The following LTBP1 variants were observed in gnomAD, a reference collection of about 807,000 sequenced individuals.
The protein encoded by LTBP1 is latent-transforming growth factor beta-binding protein 1.
Under a neutral mutation model 207.6 loss-of-function variants are expected in LTBP1, and 129 were observed. That is an observed-to-expected ratio of 0.62 (90% CI 0.54 to 0.72). The LOEUF (loss-of-function observed/expected upper bound fraction) is 0.72. LTBP1 is among the 30% of genes least tolerant of loss of function. The probability of loss-of-function intolerance (pLI) is 0.00; values close to 1 mark genes in which losing one functional copy is unlikely to be tolerated. For synonymous variants in LTBP1, 963 were observed against 833.7 expected, an observed-to-expected ratio of 1.16 and a Z score of -2.67; for missense variants, 2,281 against 2,217.2, an observed-to-expected ratio of 1.03 and a Z score of -0.58.
At chr2:33,376,599 T>C (rs903770040) in intron 31 of LTBP1, among the ~76,000 whole-genome samples, 1 of 152,244 alleles carries the variant, frequency 6.6e-6, no homozygotes, top group African/African-American at 2.4e-5. Flanking sequence ...CCCAGGTGTT[T>C]CTCATGTGTG....
At chr2:33,212,433 G>C (rs1321663506) in intron 7 of LTBP1, among the ~76,000 whole-genome samples, 2 of 152,192 alleles carry the variant, frequency 1.3e-5, no homozygotes, top group Non-Finnish European at 2.9e-5. Flanking sequence ...ATAGATGTGA[G>C]AGCAGCAGAA....
In LTBP1 at chr2:33,342,950, G is replaced by C; in HGVS notation, c.3843G>C (p.Gly1281=). ...AGGGCTTTCAAGCCCCACAGGATGG[G>C]CAAGGGTGTGTGGGTGAGTTTTTAG... ...CYQGFQAPQD[G]QGCVDVNECE... The change falls in exon 25 of 34, where the codon GGG becomes GGC. Residue 1281 remains glycine, a synonymous_variant. Coordinates refer to ENST00000404816, the MANE Select transcript of LTBP1 (RefSeq NM_206943.4). The C allele has an allele frequency of 6.2e-7, 1 of 1,613,364 alleles. No individual in the cohort carries two copies. The highest frequency in any genetic ancestry group is 8.5e-7 in the Non-Finnish European group (1 of 1,179,508).
At chr2:33,090,088 A>G (rs1231118196) in intron 3 of LTBP1, among the ~76,000 whole-genome samples, 1 of 152,254 alleles carries the variant, frequency 6.6e-6, no homozygotes, top group Non-Finnish European at 1.5e-5. Flanking sequence ...ACATTTAAAA[A>G]GAGTTTCTGT....
At chr2:33,117,159 T>G (rs1387767620) in intron 4 of LTBP1, among the ~76,000 whole-genome samples, 1 of 152,228 alleles carries the variant, frequency 6.6e-6, no homozygotes, top group Non-Finnish European at 1.5e-5. Context: ...GTAGCAGCTT[T>G]GTGGCCTGAA....
Position 32,999,661 on chromosome 2 carries a change from G to A in LTBP1, c.566-21248G>A, listed in dbSNP as rs1685800242. Among the ~76,000 whole-genome samples, 7 of 133,898 alleles carry A rather than the reference G, an allele frequency of 5.2e-5. 2 individuals are homozygous for A. Among genetic ancestry groups the A allele is most frequent in the Non-Finnish European group, 8.2e-5 (5 of 60,998 alleles). 87.8% of individuals were successfully genotyped at this position (133,898 alleles called of 152,430 possible). A position where few individuals can be genotyped will look rare whatever the true frequency, so the allele number is the denominator to read the frequency against. On this transcript the variant is annotated intron_variant, in intron 2 of 33. Transcript: ENST00000404816. ...AATCCCAGCACTTTGGGAGGCCGAG[G>A]TGGGCGGATCATGAGGTCAGGAGTT... is the stretch of plus-strand genomic sequence containing the variant.
At chr2:33,301,837 G>T (rs962202133) in intron 22 of LTBP1, among the ~76,000 whole-genome samples, 193 bp downstream of exon 22, 24 of 152,152 alleles carry the variant, frequency 1.6e-4, no homozygotes, top group African/African-American at 5.1e-4. Flanking sequence ...TCTTTGCACT[G>T]CTTGGAGCTG....
intron 31 of LTBP1, among the ~76,000 whole-genome samples, chr2:33,379,452 A>AC (rs896762330): frequency 6.6e-6 from 1 of 151,938 alleles, no homozygotes; most frequent in African/African-American, 2.4e-5. Flanking sequence ...GTTGTGATCC[A>AC]CCCACCTCGG....
intron 20 of LTBP1, among the ~76,000 whole-genome samples, chr2:33,297,696 T>G (rs376012303): frequency 1.2e-4 from 18 of 152,236 alleles, no homozygotes; most frequent in Middle Eastern, 3.4e-3. Flanking sequence ...AGTGCTGGTA[T>G]TACAAGCATC....
intron 17 of LTBP1, 110 bp downstream of exon 17, chr2:33,275,200 A>G (rs1023622213): frequency 7.6e-7 from 1 of 1,312,932 alleles, no homozygotes; most frequent in Admixed American, 2.4e-5. Flanking sequence ...TTTTTATTAA[A>G]CAATTATCAT....
chr2:33,333,215 T>A (rs1223843444), intron 24 of LTBP1, among the ~76,000 whole-genome samples: 1 of 147,584 alleles, frequency 6.8e-6, no homozygotes, highest in African/African-American at 2.5e-5. Context: ...CAGTGCAAAA[T>A]AGGTTAATTT....
At chr2:32,986,084 TTGAA>T (rs1683520419) in intron 2 of LTBP1, among the ~76,000 whole-genome samples, 2 of 152,214 alleles carry the variant, frequency 1.3e-5, no homozygotes, top group African/African-American at 4.8e-5. Flanking sequence ...AAATATTTCT[TTGAA>T]TGAATGAACA....
At chr2:33,209,686 T>C (rs969878154) in intron 7 of LTBP1, among the ~76,000 whole-genome samples, 1 of 152,252 alleles carries the variant, frequency 6.6e-6, no homozygotes, top group Non-Finnish European at 1.5e-5. Flanking sequence ...TACGTGTTTA[T>C]TTTATACATC....
At chr2:32,966,589 A>G (rs1680040860) in intron 2 of LTBP1, among the ~76,000 whole-genome samples, 1 of 152,158 alleles carries the variant, frequency 6.6e-6, no homozygotes, top group African/African-American at 2.4e-5. Flanking sequence ...TCTTATCATA[A>G]GTGAGTGTTG....
intron 15 of LTBP1, 91 bp downstream of exon 15, chr2:33,263,483 T>C (rs2093079891): frequency 1.1e-6 from 1 of 898,616 alleles, no homozygotes; most frequent in African/African-American, 1.6e-5. Context: ...ATAAGCTTGC[T>C]CATGGCAGGG....
rs1043822392 is a variant in LTBP1, at chr2:33,209,039, TTG to T, written c.1702-8505_1702-8504del. 6.6e-5 allele frequency among the ~76,000 whole-genome samples: 10 copies of T among 152,054 alleles called. No homozygotes were observed. The East Asian group carries it at 7.8e-4, about 12-fold the overall frequency. The stretch of plus-strand genomic sequence containing the variant: ...CCCGCCACCAAGCTTGGCTATTTTT[TTG>T]TGTGTGTTTTTAGTAGAGACTGGGT... On this transcript the variant is annotated intron_variant, in intron 7 of 33. Transcript: ENST00000404816.
chr2:33,122,906 C>T (rs1322271407), intron 4 of LTBP1, among the ~76,000 whole-genome samples: 1 of 152,108 alleles, frequency 6.6e-6, no homozygotes, highest in African/African-American at 2.4e-5. Context: ...TAATGTGCAC[C>T]CCCTTGTTTT....
chr2:33,209,588 C>G (rs2090144536), intron 7 of LTBP1, among the ~76,000 whole-genome samples: 1 of 152,216 alleles, frequency 6.6e-6, no homozygotes, highest in Admixed American at 6.5e-5. Flanking sequence ...CTGAGTATTT[C>G]TTTACTAGCC....
chr2:33,228,057 G>A (rs1051936919), intron 9 of LTBP1, among the ~76,000 whole-genome samples: 5 of 151,676 alleles, frequency 3.3e-5, no homozygotes, highest in African/African-American at 7.3e-5. Context: ...CGCCCGCCTC[G>A]GCCTCCCAAA....
chr2:32,974,842 C>G lies in LTBP1; in HGVS notation c.565+25897C>G, dbSNP rs141531875. On this transcript the variant is annotated intron_variant, in intron 2 of 33. Coordinates refer to ENST00000404816, the MANE Select transcript of LTBP1 (RefSeq NM_206943.4). Reference sequence around the variant, plus strand: ...TTACTTCTTTATCCGACTTCGTACTCTGTGCCTTTTAACTGAGACGTTTAA... The same window carrying G: ...TTACTTCTTTATCCGACTTCGTACTGTGTGCCTTTTAACTGAGACGTTTAA... Among the ~76,000 whole-genome samples, 694 of 152,326 alleles carry G rather than the reference C, an allele frequency of 4.6e-3. 6 individuals carry two copies. Among genetic ancestry groups the G allele is most frequent in the African/African-American group, 0.016 (647 of 41,574 alleles).
Sources: gnomAD v4.1 joint callset for allele counts (sites outside exome capture counted in the v4.1 genomes callset) on GRCh38, gnomAD v4.1.1 for gene constraint, MANE v1.5 for transcripts, NCBI Gene and HGNC (gene_info 2026-07-23, HGNC 2026-07-21) for gene names.